SPIDR: variants seen among roughly 807,000 people sequenced by gnomAD.
The protein encoded by SPIDR is scaffold protein involved in DNA repair, also known as DNA repair-scaffolding protein.
Under a neutral mutation model 104.6 loss-of-function variants are expected in SPIDR, and 93 were observed. That is an observed-to-expected ratio of 0.89 (90% CI 0.75 to 1.06). The LOEUF is 1.06. Among genes scored for constraint, SPIDR ranks in the 50% least tolerant of loss-of-function variants. The pLI is 0.00. For missense variants in SPIDR, 1,154 were observed against 1,111.2 expected, an observed-to-expected ratio of 1.04 and a Z score of -0.55; for synonymous variants, 431 against 416.9, an observed-to-expected ratio of 1.03 and a Z score of -0.41.
chr8:47,643,918 A>G (rs1007121893), intron 10 of SPIDR, among the ~76,000 whole-genome samples: 2 of 152,208 alleles, frequency 1.3e-5, no homozygotes, highest in Non-Finnish European at 2.9e-5. Context: ...GTTCAAGTAG[A>G]TACACCTTTT....
chr8:47,416,895 G>A (rs1201441832), intron 7 of SPIDR, among the ~76,000 whole-genome samples: 1 of 119,302 alleles, frequency 8.4e-6, no homozygotes, highest in Non-Finnish European at 2.1e-5. Context: ...TTGTCCTTGC[G>A]ATAATTTGCT....
chr8:47,469,929 G>A (rs1485071633), intron 8 of SPIDR, among the ~76,000 whole-genome samples: 1 of 152,070 alleles, frequency 6.6e-6, no homozygotes, highest in Non-Finnish European at 1.5e-5. Flanking sequence ...ATAAATATAA[G>A]GACATCCCGT....
At chr8:47,470,525 C>T (rs1564065488) in intron 8 of SPIDR, among the ~76,000 whole-genome samples, 2 of 151,724 alleles carry the variant, frequency 1.3e-5, no homozygotes, top group African/African-American at 2.4e-5. Context: ...CTCAGGTGAT[C>T]TGCCCACCTC....
intron 5 of SPIDR, among the ~76,000 whole-genome samples, chr8:47,342,083 A>C (rs1358885211): frequency 6.6e-6 from 1 of 152,140 alleles, no homozygotes; most frequent in Non-Finnish European, 1.5e-5. Context: ...ACTGTTAAAG[A>C]AGTCTAACTA....
intron 5 of SPIDR, among the ~76,000 whole-genome samples, chr8:47,324,925 C>CT (rs782509184): frequency 2.0e-5 from 3 of 152,162 alleles, no homozygotes; most frequent in Non-Finnish European, 4.4e-5. Context: ...AGGCCTCTCT[C>CT]TGTGGCTTGC....
At chr8:47,495,540 T>A (rs976643924) in intron 8 of SPIDR, among the ~76,000 whole-genome samples, 2 of 152,192 alleles carry the variant, frequency 1.3e-5, no homozygotes, top group African/African-American at 4.8e-5. Flanking sequence ...GCTACTACTT[T>A]TCATTCCAGC....
chr8:47,728,463 C>A (rs2084660158), intron 17 of SPIDR, among the ~76,000 whole-genome samples: 1 of 151,774 alleles, frequency 6.6e-6, no homozygotes, highest in South Asian at 2.1e-4. Context: ...AAAAAAAAAA[C>A]ACACACAAAG....
chr8:47,468,393 C>T (rs1465251792), intron 8 of SPIDR, among the ~76,000 whole-genome samples: 8 of 152,110 alleles, frequency 5.3e-5, no homozygotes, highest in Non-Finnish European at 8.8e-5. Flanking sequence ...CCCAAATAGC[C>T]AAGGCAGTCC....
chr8:47,272,321 A>T (rs1253832152), intron 1 of SPIDR, among the ~76,000 whole-genome samples: 1 of 152,150 alleles, frequency 6.6e-6, no homozygotes, highest in Non-Finnish European at 1.5e-5. Flanking sequence ...GAAGTAATTC[A>T]TATTAATTTC....
chr8:47,362,865 C>G (rs1456201881), intron 5 of SPIDR, among the ~76,000 whole-genome samples: 6 of 152,138 alleles, frequency 3.9e-5, no homozygotes, highest in African/African-American at 7.2e-5. Context: ...GTTGGCCATG[C>G]TGGTCTTGAA....
chr8:47,410,648 A>T (rs2063381639), intron 7 of SPIDR, among the ~76,000 whole-genome samples: 1 of 151,878 alleles, frequency 6.6e-6, no homozygotes, highest in Admixed American at 6.6e-5. Flanking sequence ...CTTATTATTT[A>T]GAGAAGTCTT....
chr8:47,702,697 G>T (rs1343461307), intron 14 of SPIDR, among the ~76,000 whole-genome samples: 1 of 152,100 alleles, frequency 6.6e-6, no homozygotes, highest in African/African-American at 2.4e-5. Context: ...CACCCAAGAG[G>T]GATTGAGAAC....
chr8:47,511,216 T>C (rs942494784), intron 8 of SPIDR: 37 of 1,591,288 alleles, frequency 2.3e-5, no homozygotes, highest in Non-Finnish European at 3.2e-5. Flanking sequence ...GTTAAATTTC[T>C]GCACCAGCCT....
At chr8:47,633,174 A>G (rs1449265863) in intron 10 of SPIDR, among the ~76,000 whole-genome samples, 2 of 152,254 alleles carry the variant, frequency 1.3e-5, no homozygotes, top group African/African-American at 4.8e-5. Flanking sequence ...TTTATCTGTC[A>G]GCTTAACTTG....
At chr8:47,626,229 A>C (rs1331922859) in intron 10 of SPIDR, among the ~76,000 whole-genome samples, 2 of 152,236 alleles carry the variant, frequency 1.3e-5, no homozygotes, top group African/African-American at 4.8e-5. Flanking sequence ...CCTTATACAC[A>C]AATTAATTCA....
chr8:47,274,764 C>T (rs1411366310), intron 1 of SPIDR, among the ~76,000 whole-genome samples: 1 of 151,306 alleles, frequency 6.6e-6, no homozygotes, highest in Non-Finnish European at 1.5e-5. Context: ...TTAGTAGAGA[C>T]GGGTTTTCAC....
chr8:47,675,093 A>G (rs143679686), intron 11 of SPIDR, among the ~76,000 whole-genome samples: 392 of 152,160 alleles, frequency 2.6e-3, no homozygotes, highest in African/African-American at 9.2e-3. Flanking sequence ...CTGGAGTGCA[A>G]TGGCGCCGTC....
At chr8:47,702,129 ACACACACG>A in intron 14 of SPIDR, 114 bp downstream of exon 14, 4 of 950,846 alleles carry the variant, frequency 4.2e-6, no homozygotes, top group East Asian at 2.8e-5. Context: ...ACACACACAC[ACACACACG>A]GTGTTAGAGG....
intron 10 of SPIDR, among the ~76,000 whole-genome samples, chr8:47,638,933 A>C (rs1422914104): frequency 6.6e-6 from 1 of 152,244 alleles, no homozygotes; most frequent in East Asian, 1.9e-4. Flanking sequence ...TGAATGATTT[A>C]CCATTCTTTT....
Sources: allele counts gnomAD v4.1 joint callset (sites outside exome capture counted in the v4.1 genomes callset), GRCh38; gene constraint gnomAD v4.1.1; transcripts MANE v1.5; gene names NCBI Gene and HGNC (gene_info 2026-07-23, HGNC 2026-07-21).